Variants in SRFBP1 observed in about 807,000 individuals in gnomAD.
SRFBP1 encodes the protein serum response factor binding protein 1.
Under a neutral mutation model 45.5 loss-of-function variants are expected in SRFBP1, and 47 were observed. The ratio of observed to expected loss-of-function variants is 1.03; its 90% CI spans 0.82 to 1.32. SRFBP1 has a LOEUF of 1.32. SRFBP1 is among the 40% of genes most tolerant of loss of function. SRFBP1 has a pLI of 0.00. For missense variants in SRFBP1, 621 were observed against 484.6 expected, an observed-to-expected ratio of 1.28 and a Z score of -2.64; for synonymous variants, 203 against 166.3, an observed-to-expected ratio of 1.22 and a Z score of -1.70.
Position 122,067,349 on chromosome 5 carries a change from CAG to C in SRFBP1, n.312-7963_312-7962del, listed in dbSNP as rs1278117433. On this transcript the variant is annotated intron_variant and non_coding_transcript_variant, in intron 2 of 2. Coordinates refer to the SRFBP1 transcript ENST00000504881. ...AGTATCTTATAACTGAAAGAAGCCTCAGAGTCACCTGGTCCGTACATTTTGTT... is the reference window on the plus strand; with the variant it reads ...AGTATCTTATAACTGAAAGAAGCCTCAGTCACCTGGTCCGTACATTTTGTT... Among the ~76,000 whole-genome samples, 10 of 152,068 alleles carry C rather than the reference CAG, an allele frequency of 6.6e-5. No individual in the cohort carries two copies. The East Asian group carries it at 1.9e-3, about 29-fold the overall frequency.
chr5:121,962,131 G>C, intron 1 of SRFBP1, 63 bp downstream of exon 1: 1 of 1,600,014 alleles, frequency 6.2e-7, no homozygotes, highest in Non-Finnish European at 8.5e-7. Context: ...CTTTTGAGAC[G>C]CGTGGTCGGA....
chr5:121,986,847 T>TA (rs1223880060), intron 3 of SRFBP1, among the ~76,000 whole-genome samples: 1 of 152,140 alleles, frequency 6.6e-6, no homozygotes, highest in Non-Finnish European at 1.5e-5. Context: ...AGAAACTTTT[T>TA]AGAATGACAG....
At chr5:122,078,158 G>T, downstream of SRFBP1, 1 of 538,856 alleles carries the variant, frequency 1.9e-6, no homozygotes, top group Non-Finnish European at 2.9e-6. Context: ...CCCTTCCCCA[G>T]TCAAGGCGGC....
At chr5:122,048,238 G>A (rs182029734) in intron 2 of SRFBP1, among the ~76,000 whole-genome samples, 2 of 152,136 alleles carry the variant, frequency 1.3e-5, no homozygotes, top group Non-Finnish European at 2.9e-5. Context: ...CTAATTTATT[G>A]AGAGTTTTTC....
chr5:122,058,634 A>G (rs1006362067), intron 2 of SRFBP1, among the ~76,000 whole-genome samples: 5 of 151,792 alleles, frequency 3.3e-5, no homozygotes, highest in Middle Eastern at 3.2e-3. Context: ...ATCGTTATAT[A>G]TCTGGGCTTT....
intron 4 of SRFBP1, among the ~76,000 whole-genome samples, chr5:122,002,305 G>C (rs1443558626): frequency 6.6e-6 from 1 of 152,106 alleles, no homozygotes; most frequent in Non-Finnish European, 1.5e-5. Flanking sequence ...TTTTGATCTG[G>C]ATTTCATTCT....
At chr5:122,071,178 A>G (rs976898067) in intron 2 of SRFBP1, among the ~76,000 whole-genome samples, 2 of 145,932 alleles carry the variant, frequency 1.4e-5, no homozygotes, top group African/African-American at 5.2e-5. Context: ...GGCAGGAACA[A>G]TCGTAAACAT....
intron 2 of SRFBP1, among the ~76,000 whole-genome samples, chr5:122,046,228 G>A (rs930701663): frequency 2.0e-5 from 3 of 151,820 alleles, no homozygotes; most frequent in Admixed American, 6.6e-5. Flanking sequence ...CCCAATGTGT[G>A]ATGTTCCCCT....
chr5:122,064,459 G>A (rs1203877864), intron 2 of SRFBP1: 1 of 150,752 alleles, frequency 6.6e-6, no homozygotes, highest in Non-Finnish European at 1.5e-5. Context: ...AAAAAAAATC[G>A]TCAAAATTAA....
At chr5:121,971,477 G>C (rs963039157) in intron 1 of SRFBP1, among the ~76,000 whole-genome samples, 1 of 151,914 alleles carries the variant, frequency 6.6e-6, no homozygotes, top group African/African-American at 2.4e-5. Context: ...TTTTATTGGA[G>C]GTGAAGAACA....
chr5:122,045,260 C>A (rs1753837496), intron 2 of SRFBP1, among the ~76,000 whole-genome samples: 1 of 152,058 alleles, frequency 6.6e-6, no homozygotes, highest in African/African-American at 2.4e-5. Context: ...TACTGTAGAT[C>A]TGTAGTATAG....
rs1752282791 is a variant in SRFBP1, at chr5:121,975,355, C to T, written c.166C>T (p.Gln56Ter). ...ACTGTTAAAAAACCAAAGACGGGCG[C>T]AAAGATTGCTTGAAGAAATCCATGC... ...DALLKNQRRAQRLLEEIHAMK... is the reference protein window; with the variant it reads ...DALLKNQRRA Residue 56 changes from glutamine to a stop codon, truncating the protein, a stop_gained, in exon 3 of 8, where the codon CAA (glutamine) becomes TAA (stop). Coordinates refer to ENST00000339397, the MANE Select transcript of SRFBP1 (RefSeq NM_152546.3). LOFTEE classifies it high-confidence loss of function. The T allele has an allele frequency of 2.5e-6, 4 of 1,613,194 alleles. No individual in the cohort carries two copies. The highest frequency in any genetic ancestry group is 3.4e-6 in the Non-Finnish European group (4 of 1,179,342).
intron 4 of SRFBP1, among the ~76,000 whole-genome samples, chr5:122,013,403 G>A (rs1487102666): frequency 6.6e-6 from 1 of 152,036 alleles, no homozygotes; most frequent in Non-Finnish European, 1.5e-5. Context: ...AGTAGATACA[G>A]CACATACTTC....
intron 7 of SRFBP1, among the ~76,000 whole-genome samples, chr5:122,025,661 G>A (rs1448683398): frequency 1.3e-5 from 2 of 152,014 alleles, no homozygotes; most frequent in African/African-American, 4.8e-5. Context: ...TTTGAATATT[G>A]TAACAGATTT....
intron 2 of SRFBP1, chr5:122,063,542 GT>G (rs1309101963): frequency 6.6e-6 from 1 of 151,816 alleles, no homozygotes; most frequent in Non-Finnish European, 1.5e-5. Flanking sequence ...TAAATGAAAT[GT>G]TTAGTGTTTA....
chr5:121,963,287 G>A (rs1237693529), intron 1 of SRFBP1, among the ~76,000 whole-genome samples: 1 of 152,144 alleles, frequency 6.6e-6, no homozygotes, highest in African/African-American at 2.4e-5. Context: ...AGTTGACAGT[G>A]GAGTACAGGA....
In SRFBP1 at chr5:122,027,607, A is replaced by G. The variant is rs1288770501; in HGVS notation, c.*481A>G. 2 of 152,172 alleles carry G rather than the reference A, an allele frequency of 1.3e-5. No homozygotes were observed. The highest frequency in any genetic ancestry group is 2.9e-5 in the Non-Finnish European group (2 of 68,040). The allele number at this position is 152,172 out of a possible 1,614,324, so 9.4% of individuals were successfully genotyped here. A position where few individuals can be genotyped will look rare whatever the true frequency, so the allele number is the denominator to read the frequency against. ...ACTGGTTCAGCTCTGTTGTTTCCTT[A>G]AACATAAATGTCAATATATATTTAA... On this transcript the variant is annotated 3_prime_UTR_variant, in exon 8 of 8. Transcript: ENST00000339397.
chr5:122,016,882 C>A (rs73285753), intron 4 of SRFBP1, among the ~76,000 whole-genome samples: 1 of 152,052 alleles, frequency 6.6e-6, no homozygotes, highest in Admixed American at 6.6e-5. Context: ...AGAATAGATG[C>A]GTATCAGTTT....
At chr5:121,966,946 A>ATTTTTTTTTTTT (rs34687337) in intron 1 of SRFBP1, among the ~76,000 whole-genome samples, 119 of 114,606 alleles carry the variant, frequency 1.0e-3, no homozygotes, top group African/African-American at 1.7e-3. Context: ...CGCCCAGCTA[A>ATTTTTTTTTTTT]TTTTTTTTTT....
Sources: gnomAD v4.1 joint callset for allele counts (sites outside exome capture counted in the v4.1 genomes callset) on GRCh38, gnomAD v4.1.1 for gene constraint, MANE v1.5 for transcripts, NCBI Gene and HGNC (gene_info 2026-07-23, HGNC 2026-07-21) for gene names.